Variants in RAB6B observed in about 807,000 individuals in gnomAD.
RAB6B encodes ras-related protein Rab-6B.
A neutral mutation model predicts 31.2 loss-of-function variants in RAB6B; 7 were observed. The ratio of observed to expected loss-of-function variants is 0.22; its 90% CI spans 0.13 to 0.42. The LOEUF (loss-of-function observed/expected upper bound fraction) is 0.42. Among genes scored for constraint, RAB6B ranks in the 10% least tolerant of loss-of-function variants. The probability of loss-of-function intolerance (pLI) is 1.00; values close to 1 mark genes in which losing one functional copy is unlikely to be tolerated. For missense variants in RAB6B, 149 were observed against 280.6 expected (o/e 0.53, Z 3.35); for synonymous variants, 105 against 104.9 (o/e 1.00, Z -0.01).
At chr3:133,891,559 C>T (rs1333483820) in intron 1 of RAB6B, among the ~76,000 whole-genome samples, 1 of 152,146 alleles carries the variant, frequency 6.6e-6, no homozygotes, top group Non-Finnish European at 1.5e-5. Flanking sequence ...TAGACCTTTA[C>T]TGTAATTATA....
chr3:133,884,739 C>G (rs1936515698), intron 1 of RAB6B, among the ~76,000 whole-genome samples: 1 of 150,934 alleles, frequency 6.6e-6, no homozygotes, highest in African/African-American at 2.4e-5. Context: ...CACCTAATGA[C>G]AGAGAATGGA....
intron 6 of RAB6B, among the ~76,000 whole-genome samples, chr3:133,837,133 C>T (rs1238895354): frequency 6.6e-6 from 1 of 152,098 alleles, no homozygotes; most frequent in Non-Finnish European, 1.5e-5. Context: ...TTGGCATGCC[C>T]TCCCTCCTCA....
chr3:133,884,611 T>C (rs1307223583), intron 1 of RAB6B, among the ~76,000 whole-genome samples: 1 of 152,108 alleles, frequency 6.6e-6, no homozygotes, highest in Non-Finnish European at 1.5e-5. Flanking sequence ...GGAAGAGAAG[T>C]CCAGTGAGAC....
intron 2 of RAB6B, among the ~76,000 whole-genome samples, chr3:133,854,302 C>T (rs1049109041): frequency 6.6e-6 from 1 of 152,226 alleles, no homozygotes; most frequent in South Asian, 2.1e-4. Flanking sequence ...AGCATTCTTT[C>T]TCTGAACTTC....
intron 2 of RAB6B, among the ~76,000 whole-genome samples, chr3:133,848,217 G>A (rs1437551892): frequency 6.6e-6 from 1 of 152,150 alleles, no homozygotes; most frequent in African/African-American, 2.4e-5. Flanking sequence ...CCACGCCTCT[G>A]GAAGCCTGAA....
chr3:133,847,498 C>G (rs184593264), intron 2 of RAB6B, among the ~76,000 whole-genome samples: 187 of 152,328 alleles, frequency 1.2e-3, no homozygotes, highest in Non-Finnish European at 2.2e-3. Context: ...CTCACTCTTT[C>G]CTTTCATCCA....
intron 1 of RAB6B, among the ~76,000 whole-genome samples, chr3:133,864,998 G>A (rs1365175295): frequency 6.6e-6 from 1 of 152,230 alleles, no homozygotes; most frequent in East Asian, 1.9e-4. Flanking sequence ...TGCAAAACAG[G>A]AGGCTCCTCT....
At chr3:133,850,266 CA>C (rs1270389734) in intron 2 of RAB6B, among the ~76,000 whole-genome samples, 2 of 152,110 alleles carry the variant, frequency 1.3e-5, no homozygotes, top group African/African-American at 4.8e-5. Context: ...TTCACAGGAA[CA>C]AACAGAATCC....
Position 133,833,446 on chromosome 3 carries a change from G to T in RAB6B, c.562+1129C>A, listed in dbSNP as rs77938043. 3.6e-3 allele frequency among the ~76,000 whole-genome samples: 552 copies of T among 152,114 alleles called. 3 individuals are homozygous for T. The highest frequency in any genetic ancestry group is 0.013 in the African/African-American group (520 of 41,494). On this transcript the variant is annotated intron_variant, in intron 7 of 7. Transcript: ENST00000285208. ...GCCTTCCTGACCCCCCCGGGGGGTG[G>T]GTCTCGAGTCTGCTCTGAGAGCTCC...
intron 1 of RAB6B, among the ~76,000 whole-genome samples, chr3:133,870,183 G>A (rs1168148607): frequency 1.3e-5 from 2 of 152,210 alleles, no homozygotes; most frequent in Non-Finnish European, 1.5e-5. Context: ...GAAGGCAAAG[G>A]AGAAACAGGC....
chr3:133,851,214 G>A (rs1218908425), intron 2 of RAB6B, among the ~76,000 whole-genome samples: 1 of 152,196 alleles, frequency 6.6e-6, no homozygotes, highest in African/African-American at 2.4e-5. Flanking sequence ...GAATTCTCTG[G>A]AAGAAATTGT....
At chr3:133,862,220 T>A (rs1357377277) in intron 2 of RAB6B, among the ~76,000 whole-genome samples, 1 of 152,104 alleles carries the variant, frequency 6.6e-6, no homozygotes, top group Non-Finnish European at 1.5e-5. Context: ...CCTTGAGGCC[T>A]CTTGATCTGA....
At chr3:133,852,357 T>G (rs1378124219) in intron 2 of RAB6B, among the ~76,000 whole-genome samples, 1 of 152,162 alleles carries the variant, frequency 6.6e-6, no homozygotes, top group Non-Finnish European at 1.5e-5. Context: ...TCACAAATCA[T>G]CATGTGAGGA....
chr3:133,858,470 T>A (rs1338939073), intron 2 of RAB6B, among the ~76,000 whole-genome samples: 1 of 152,174 alleles, frequency 6.6e-6, no homozygotes, highest in Non-Finnish European at 1.5e-5. Flanking sequence ...AGTCTGAGAC[T>A]GAGGTGTAGG....
intron 1 of RAB6B, among the ~76,000 whole-genome samples, chr3:133,880,615 A>T (rs954929990): frequency 1.3e-5 from 2 of 152,226 alleles, no homozygotes. Context: ...TGCGGTCTCC[A>T]TCAACACAGG....
intron 1 of RAB6B, among the ~76,000 whole-genome samples, chr3:133,883,649 G>T (rs1936499795): frequency 6.6e-6 from 1 of 152,182 alleles, no homozygotes. Flanking sequence ...TTACTGAACA[G>T]GGGAAAGAAA....
chr3:133,834,161 C>A (rs1320195777), intron 7 of RAB6B, among the ~76,000 whole-genome samples: 1 of 151,940 alleles, frequency 6.6e-6, no homozygotes, highest in Non-Finnish European at 1.5e-5. Flanking sequence ...GGGCATCTGT[C>A]TGAAGGGGGG....
At chr3:133,872,445 C>T (rs1936339085) in intron 1 of RAB6B, among the ~76,000 whole-genome samples, 1 of 152,364 alleles carries the variant, frequency 6.6e-6, no homozygotes, top group Admixed American at 6.5e-5. Context: ...CCTGGCCTGA[C>T]TGTGAGGTAC....
chr3:133,853,112 T>A (rs559366628), intron 2 of RAB6B, among the ~76,000 whole-genome samples: 2 of 152,236 alleles, frequency 1.3e-5, no homozygotes, highest in African/African-American at 4.8e-5. Context: ...GCCACCCAGG[T>A]AGGCCATATC....
Sources: gnomAD v4.1 joint callset for allele counts (sites outside exome capture counted in the v4.1 genomes callset) on GRCh38, gnomAD v4.1.1 for gene constraint, MANE v1.5 for transcripts, NCBI Gene and HGNC (gene_info 2026-07-23, HGNC 2026-07-21) for gene names.